MRTFA: variants seen among roughly 807,000 people sequenced by gnomAD.
MRTFA encodes myocardin-related transcription factor A.
A neutral mutation model predicts 83.5 loss-of-function variants in MRTFA; 20 were observed. The ratio of observed to expected loss-of-function variants is 0.24; its 90% CI spans 0.17 to 0.35. The LOEUF (loss-of-function observed/expected upper bound fraction) is 0.35, where lower values mean the gene tolerates loss of function less well. Among genes scored for constraint, MRTFA ranks in the 10% least tolerant of loss-of-function variants. MRTFA has a pLI of 1.00. For missense variants in MRTFA, 1,200 were observed against 1,224.7 expected, an observed-to-expected ratio of 0.98 and a Z score of 0.30; for synonymous variants, 659 against 541.2, an observed-to-expected ratio of 1.22 and a Z score of -3.02.
Position 40,411,912 on chromosome 22 carries a change from C to T in MRTFA, c.2579-5G>A, listed in dbSNP as rs775132208. The T allele has an allele frequency of 3.4e-6, 5 of 1,482,018 alleles. No individual in the cohort carries two copies. The South Asian group carries it at 5.9e-5, about 17-fold the overall frequency. The allele number at this position is 1,482,018 out of a possible 1,614,324, so 91.8% of individuals were successfully genotyped here. On this transcript the variant is annotated splice_region_variant and splice_polypyrimidine_tract_variant and intron_variant, in intron 14 of 14. Coordinates refer to ENST00000355630, the MANE Select transcript of MRTFA (RefSeq NM_020831.6). ...CCTTGAAATCTGCTGAAATTTCTGCCAATCAATCAAGAGAGTAAATGGATA... is the reference window on the plus strand; with the variant it reads ...CCTTGAAATCTGCTGAAATTTCTGCTAATCAATCAAGAGAGTAAATGGATA...
intron 2 of MRTFA, among the ~76,000 whole-genome samples, chr22:40,579,943 G>C (rs1487897428): frequency 6.6e-6 from 1 of 151,510 alleles, no homozygotes; most frequent in African/African-American, 2.4e-5. Flanking sequence ...TGCACTTTTA[G>C]TAAGAATTCA....
At position 40,621,864 on chromosome 22, in the gene MRTFA, G is replaced by A. The variant is rs145054383; in HGVS notation, c.-84+14614C>T. Among the ~76,000 whole-genome samples, 74 of 152,252 alleles carry A rather than the reference G, an allele frequency of 4.9e-4. 1 individual carries two copies. In the East Asian group the frequency reaches 0.013, roughly 27 times the overall value. On this transcript the variant is annotated intron_variant, in intron 1 of 14. Coordinates refer to ENST00000355630, the MANE Select transcript of MRTFA (RefSeq NM_020831.6). ...CTTGCATTTTCTCCCTTCTGAAACC[G>A]GAATTATCTATAACTGTTACACTAT...
chr22:40,525,884 CA>C (rs2054962628), intron 3 of MRTFA, among the ~76,000 whole-genome samples: 2 of 152,126 alleles, frequency 1.3e-5, no homozygotes, highest in South Asian at 4.1e-4. Context: ...GTGGCACTTA[CA>C]TTCTACGAAG....
chr22:40,505,984 G>A (rs548199353), intron 3 of MRTFA, among the ~76,000 whole-genome samples: 5 of 152,254 alleles, frequency 3.3e-5, no homozygotes, highest in Admixed American at 1.3e-4. Context: ...CTGTAATCCA[G>A]GCACTTTGGG....
chr22:40,604,216 C>T (rs1602485563), intron 1 of MRTFA, among the ~76,000 whole-genome samples: 1 of 151,350 alleles, frequency 6.6e-6, no homozygotes, highest in Non-Finnish European at 1.5e-5. Flanking sequence ...CTGCAAGCTC[C>T]GCCTCCCAGG....
intron 2 of MRTFA, among the ~76,000 whole-genome samples, chr22:40,572,785 C>G (rs1374970539): frequency 1.3e-5 from 2 of 152,178 alleles, no homozygotes; most frequent in African/African-American, 4.8e-5. Flanking sequence ...ACTCCCGTTT[C>G]TAAAACCATC....
At chr22:40,519,131 C>G (rs1459830893) in intron 3 of MRTFA, among the ~76,000 whole-genome samples, 6 of 151,660 alleles carry the variant, frequency 4.0e-5, no homozygotes, top group Admixed American at 2.6e-4. Context: ...CCTGCATGAT[C>G]TCTTTTAATA....
At chr22:40,461,484 C>G (rs898223704) in intron 4 of MRTFA, among the ~76,000 whole-genome samples, 1 of 151,596 alleles carries the variant, frequency 6.6e-6, no homozygotes, top group Non-Finnish European at 1.5e-5. Flanking sequence ...AAGACCCCAT[C>G]TCTTAAAAAT....
intron 3 of MRTFA, among the ~76,000 whole-genome samples, chr22:40,468,753 A>C (rs1197668709): frequency 6.6e-6 from 1 of 152,218 alleles, no homozygotes; most frequent in Non-Finnish European, 1.5e-5. Context: ...ATGCTTGAGG[A>C]GACCAAAATG....
At chr22:40,631,761 G>A (rs981441066) in intron 1 of MRTFA, among the ~76,000 whole-genome samples, 2 of 152,120 alleles carry the variant, frequency 1.3e-5, no homozygotes, top group Admixed American at 1.3e-4. Flanking sequence ...CATGTGAAAG[G>A]TACATAGTAA....
Position 40,550,166 on chromosome 22 carries a change from C to A in MRTFA, c.241+1940G>T, listed in dbSNP as rs560984250. Among the ~76,000 whole-genome samples, 13 of 151,196 alleles carry A rather than the reference C, an allele frequency of 8.6e-5. No homozygotes were observed. In the South Asian group the frequency reaches 2.5e-3, roughly 29 times the overall value. ...TAAGAGATGGGCACGCAGGTATTCA[C>A]TGTAAAGTTCTTCCTACTTCTTTTT... is the stretch of plus-strand genomic sequence containing the variant. On this transcript the variant is annotated intron_variant, in intron 3 of 14. Transcript: ENST00000355630.
intron 4 of MRTFA, among the ~76,000 whole-genome samples, chr22:40,442,122 A>G (rs933322385): frequency 1.3e-5 from 2 of 152,202 alleles, no homozygotes; most frequent in Non-Finnish European, 2.9e-5. Flanking sequence ...CAGTTCTAGA[A>G]ATGCCTCTGA....
intron 3 of MRTFA, among the ~76,000 whole-genome samples, chr22:40,466,602 A>C (rs193114546): frequency 1.4e-4 from 21 of 152,344 alleles, no homozygotes; most frequent in Admixed American, 9.1e-4. Context: ...CCAGTGTAAG[A>C]TGAACTATTA....
At chr22:40,522,120 T>C (rs2054879477) in intron 3 of MRTFA, 1 of 152,276 alleles carries the variant, frequency 6.6e-6, no homozygotes, top group African/African-American at 2.4e-5. Context: ...CCCAAAGTGT[T>C]GGGATTACAG....
chr22:40,423,461 C>T (rs961597336), intron 9 of MRTFA, 75 bp downstream of exon 9: 4 of 1,324,744 alleles, frequency 3.0e-6, no homozygotes, highest in South Asian at 2.1e-5. Flanking sequence ...GCTGTCCCCA[C>T]AGCTGGAATG....
chr22:40,530,614 G>C (rs1462447978), intron 3 of MRTFA, among the ~76,000 whole-genome samples: 2 of 152,210 alleles, frequency 1.3e-5, no homozygotes, highest in Non-Finnish European at 2.9e-5. Flanking sequence ...GTCCATCTTA[G>C]ATCATTAATT....
chr22:40,625,155 A>T (rs2056566651), intron 1 of MRTFA, among the ~76,000 whole-genome samples: 1 of 152,142 alleles, frequency 6.6e-6, no homozygotes, highest in Non-Finnish European at 1.5e-5. Flanking sequence ...AGGAAGTATC[A>T]ACAAGATAAT....
chr22:40,527,469 G>A (rs1410939262), intron 3 of MRTFA, among the ~76,000 whole-genome samples: 1 of 150,928 alleles, frequency 6.6e-6, no homozygotes, highest in African/African-American at 2.4e-5. Context: ...AAAAAATAAT[G>A]CATGTGGGCC....
intron 1 of MRTFA, among the ~76,000 whole-genome samples, chr22:40,630,401 A>T (rs1406945191): frequency 6.6e-6 from 1 of 152,150 alleles, no homozygotes; most frequent in African/African-American, 2.4e-5. Context: ...CTTTAAAAAC[A>T]AAACAAAAGA....
Sources: allele counts gnomAD v4.1 joint callset (sites outside exome capture counted in the v4.1 genomes callset), GRCh38; gene constraint gnomAD v4.1.1; transcripts MANE v1.5; gene names NCBI Gene and HGNC (gene_info 2026-07-23, HGNC 2026-07-21).